The following SYT7 variants were observed in gnomAD, a reference collection of about 807,000 sequenced individuals.
SYT7 encodes the protein synaptotagmin-7.
In SYT7, 29 loss-of-function variants were observed where a neutral mutation model predicts 75.1. That is an observed-to-expected ratio of 0.39 (90% confidence interval 0.29 to 0.53). The LOEUF (loss-of-function observed/expected upper bound fraction) is 0.53. Ranked by LOEUF, SYT7 falls within the 20% of genes least tolerant of loss-of-function variation. SYT7 has a pLI of 0.77. For synonymous variants in SYT7, 376 were observed against 401.7 expected, an observed-to-expected ratio of 0.94 and a Z score of 0.76; for missense variants, 693 against 953.2, an observed-to-expected ratio of 0.73 and a Z score of 3.59.
chr11:61,537,229 A>T (rs1043156477), intron 7 of SYT7, among the ~76,000 whole-genome samples: 1 of 152,088 alleles, frequency 6.6e-6, no homozygotes, highest in Non-Finnish European at 1.5e-5. Flanking sequence ...CCTGGAAACC[A>T]CAGGTGTGGT....
At position 61,523,793 on chromosome 11, in the gene SYT7, G is replaced by A. The variant is rs775189927; in HGVS notation, c.1756+34C>T. Reference sequence around the variant, plus strand: ...AACCTTGTGTCACCAGCACCTCCCCGGCCCGCCCATCCTCTGCTGGAGAAG... The same window carrying A: ...AACCTTGTGTCACCAGCACCTCCCCAGCCCGCCCATCCTCTGCTGGAGAAG... On this transcript the variant is annotated intron_variant, in intron 11 of 12. Transcript: ENST00000539008. The surrounding 1 kb of genome is among the most constrained non-coding windows in gnomAD (Gnocchi z 5.0). The A allele has an allele frequency of 5.6e-6, 9 of 1,600,622 alleles. No individual in the cohort carries two copies. Among genetic ancestry groups the A allele is most frequent in the East Asian group, 2.2e-5 (1 of 44,758 alleles).
chr11:61,542,341 GGCCCCGGCCATAGGC>G lies in SYT7; in HGVS notation c.796_810del (p.Ala266_Gly270del). ...CCGGCCGAGGTGCCCTGCCGAGCCT[GGCCCCGGCCATAGGC>G]CCGGGGGTTGGGGCCTGGTGCCGAG... On this transcript the variant is annotated inframe_deletion, in exon 6 of 13. Coordinates refer to ENST00000539008, the MANE Select transcript of SYT7 (RefSeq NM_001365809.2). The surrounding 1 kb of genome is among the most constrained non-coding windows in gnomAD (Gnocchi z 7.8). The G allele has an allele frequency of 6.5e-7, 1 of 1,530,988 alleles. No individual in the cohort carries two copies. Among genetic ancestry groups the G allele is most frequent in the Non-Finnish European group, 8.7e-7 (1 of 1,144,438 alleles). The allele number at this position is 1,530,988 out of a possible 1,614,324, so 94.8% of individuals were successfully genotyped here.
At position 61,523,059 on chromosome 11, in the gene SYT7, C is replaced by G. The variant is rs765816675; in HGVS notation, c.1956+16G>C. The G allele has an allele frequency of 1.9e-6, 3 of 1,613,828 alleles. No homozygotes were observed. The highest frequency in any genetic ancestry group is 2.5e-6 in the Non-Finnish European group (3 of 1,179,968). Reference sequence around the variant, plus strand: ...TGGTGCCAGCAGGTGCACCACACCACCTGCCTCGCCCCTACCTTGCCGATG... The same window carrying G: ...TGGTGCCAGCAGGTGCACCACACCAGCTGCCTCGCCCCTACCTTGCCGATG... On this transcript the variant is annotated intron_variant, in intron 12 of 12. Coordinates refer to ENST00000539008, the MANE Select transcript of SYT7 (RefSeq NM_001365809.2). This position sits in a 1 kb window ranked among gnomAD's most constrained non-coding sequence, Gnocchi z 5.0.
chr11:61,587,040 C>T, the SYT7 span, among the ~76,000 whole-genome samples: 1 of 152,176 alleles, frequency 6.6e-6, no homozygotes, highest in East Asian at 1.9e-4. Context: ...CAACTGTCCC[C>T]CCTCCCCCCA....
chr11:61,534,722 C>G (rs1343863903), intron 7 of SYT7, among the ~76,000 whole-genome samples: 2 of 152,218 alleles, frequency 1.3e-5, no homozygotes, highest in Non-Finnish European at 2.9e-5. Context: ...CACGATACAC[C>G]TGCTGTGACA....
chr11:61,550,303 G>C (rs2063311462), intron 3 of SYT7, among the ~76,000 whole-genome samples: 1 of 152,190 alleles, frequency 6.6e-6, no homozygotes, highest in Admixed American at 6.5e-5. Flanking sequence ...GAGGACCTGG[G>C]AGGGAGCCCT....
At chr11:61,521,360 C>T (rs74550786) in intron 12 of SYT7, among the ~76,000 whole-genome samples, 3,475 of 152,314 alleles carry the variant, frequency 0.023, 76 homozygotes, top group Non-Finnish European at 0.032. Flanking sequence ...TATCCGACAC[C>T]AAGAGGCGAA....
chr11:61,523,387 G>A lies in SYT7; in HGVS notation c.1757-113C>T. The A allele has an allele frequency of 9.3e-7, 1 of 1,073,888 alleles. No individual in the cohort carries two copies. The highest frequency in any genetic ancestry group is 1.4e-6 in the Non-Finnish European group (1 of 718,762). 66.5% of individuals were successfully genotyped at this position (1,073,888 alleles called of 1,614,324 possible). A position where few individuals can be genotyped will look rare whatever the true frequency, so the allele number is the denominator to read the frequency against. On this transcript the variant is annotated intron_variant, in intron 11 of 12. Coordinates refer to ENST00000539008, the MANE Select transcript of SYT7 (RefSeq NM_001365809.2). The surrounding 1 kb of genome is among the most constrained non-coding windows in gnomAD (Gnocchi z 5.0). ...GCAGGAGGGCCGTGTGCTTTCCCCA[G>A]AGGCAAGGAAAGACCCAGGCAAGAA... is the stretch of plus-strand genomic sequence containing the variant.
chr11:61,580,790 C>G lies in SYT7; in HGVS notation c.31G>C (p.Gly11Arg). Residue 11 changes from glycine to arginine, a missense_variant and splice_region_variant, in exon 1 of 13, where the codon GGG (glycine) becomes CGG (arginine). By Grantham distance (125) the Gly-to-Arg change is moderately radical. Around this residue, in one of 2 missense-constraint regions of SYT7, gnomAD observed 487 missense variants for 593.2 expected, o/e 0.82. Coordinates refer to ENST00000539008, the MANE Select transcript of SYT7 (RefSeq NM_001365809.2). This position sits in a 1 kb window ranked among gnomAD's most constrained non-coding sequence, Gnocchi z 6.1. Reference sequence around the variant, plus strand: ...CCCAGCCCGCCGGGGCCGCGCTTACCTGGGCTGGCCGCCTCCGGGTCCCGG... The same window carrying G: ...CCCAGCCCGCCGGGGCCGCGCTTACGTGGGCTGGCCGCCTCCGGGTCCCGG... MYRDPEAASP[G>R]APSRDVLLVS... The G allele has an allele frequency of 3.1e-6, 4 of 1,287,882 alleles. No individual in the cohort carries two copies. Among genetic ancestry groups the G allele is most frequent in the Non-Finnish European group, 2.0e-6 (2 of 1,015,390 alleles). 79.8% of individuals were successfully genotyped at this position (1,287,882 alleles called of 1,614,324 possible). A position where few individuals can be genotyped will look rare whatever the true frequency, so the allele number is the denominator to read the frequency against.
Position 61,546,676 on chromosome 11 carries a change from G to A in SYT7, c.348-421C>T, listed in dbSNP as rs769849533. On this transcript the variant is annotated intron_variant, in intron 4 of 12. Coordinates refer to ENST00000539008, the MANE Select transcript of SYT7 (RefSeq NM_001365809.2). The surrounding 1 kb of genome is among the most constrained non-coding windows in gnomAD (Gnocchi z 7.6). ...AAGAGCGGGCTGTCCAGGCCAGGAGGCCCCAAGGCAGGGAGAAAGAGAAAG... is the reference window on the plus strand; with the variant it reads ...AAGAGCGGGCTGTCCAGGCCAGGAGACCCCAAGGCAGGGAGAAAGAGAAAG... 6 of 461,072 alleles carry A rather than the reference G, an allele frequency of 1.3e-5. No homozygotes were observed. Among genetic ancestry groups the A allele is most frequent in the South Asian group, 9.3e-5 (6 of 64,554 alleles). The allele number at this position is 461,072 out of a possible 1,614,324, so 28.6% of individuals were successfully genotyped here.
Position 61,542,254 on chromosome 11 carries a change from C to G in SYT7, c.898G>C (p.Val300Leu). ...RSNPGSWDHV[V>L]GQIRNRGLDM... ...AAGCCTCGGTTTCGAATCTGCCCCA[C>G]CACGTGGTCCCAGCTGCCTGGGTTG... Residue 300 changes from valine to leucine, a missense_variant, in exon 6 of 13, where the codon GTG (valine) becomes CTG (leucine). By Grantham distance (32) the Val-to-Leu change is conservative (BLOSUM62 1). Transcript: ENST00000539008. The surrounding 1 kb of genome is among the most constrained non-coding windows in gnomAD (Gnocchi z 7.8). 1.3e-6 allele frequency: 2 copies of G among 1,535,256 alleles called. No individual in the cohort carries two copies. Among genetic ancestry groups the G allele is most frequent in the Non-Finnish European group, 1.7e-6 (2 of 1,146,484 alleles).
chr11:61,533,390 C>T (rs2062770281), intron 7 of SYT7: 3 of 985,432 alleles, frequency 3.0e-6, no homozygotes, highest in Non-Finnish European at 3.6e-6. Flanking sequence ...CCCCATTCTT[C>T]CTGTTCCCCA....
rs570902636 is a variant in SYT7 at position 61,578,565 on chromosome 11, G to A, written c.31+2225C>T. ...GGGAGGCAGAAATGGGGGACACAGA[G>A]CCCTGGCTTGGGGAGCTGAGTCTAG... On this transcript the variant is annotated intron_variant, in intron 1 of 12. Coordinates refer to ENST00000539008, the MANE Select transcript of SYT7 (RefSeq NM_001365809.2). Among the ~76,000 whole-genome samples the A allele has an allele frequency of 8.5e-4, 130 of 152,246 alleles. 1 individual carries two copies. Among genetic ancestry groups the A allele is most frequent in the African/African-American group, 3.0e-3 (124 of 41,546 alleles).
chr11:61,579,682 T>G (rs962346224), intron 1 of SYT7, among the ~76,000 whole-genome samples: 1 of 152,226 alleles, frequency 6.6e-6, no homozygotes, highest in Non-Finnish European at 1.5e-5. Flanking sequence ...AGGCTCCTTC[T>G]GTGCAGGGTC....
In SYT7 at chr11:61,517,081, C is replaced by T. The variant is rs1040015203; in HGVS notation, c.*1546G>A. 2.5e-6 allele frequency: 1 copy of T among 394,854 alleles called. No homozygotes were observed. The highest frequency in any genetic ancestry group is 4.5e-6 in the Non-Finnish European group (1 of 224,202). 24.5% of individuals were successfully genotyped at this position (394,854 alleles called of 1,614,324 possible). A position where few individuals can be genotyped will look rare whatever the true frequency, so the allele number is the denominator to read the frequency against. On this transcript the variant is annotated 3_prime_UTR_variant, in exon 13 of 13. Coordinates refer to ENST00000539008, the MANE Select transcript of SYT7 (RefSeq NM_001365809.2). ...TGGAACTGGGGGCTAAGACCACGGC[C>T]ACAGACTGTGGGGGCCTGGCGCCAC...
rs1299563714 is a variant in SYT7 at position 61,546,176 on chromosome 11, G to A, written c.427C>T (p.Pro143Ser). ...VEREGRLGEKPAPVPPPGEDA... is the reference protein window; with the variant it reads ...VEREGRLGEKSAPVPPPGEDA... ...TCTCCGGGTGGCGGCACCGGTGCCGGCTTCTCCCCCAGCCGGCCTTCCCGC... is the reference window on the plus strand; with the variant it reads ...TCTCCGGGTGGCGGCACCGGTGCCGACTTCTCCCCCAGCCGGCCTTCCCGC... Residue 143 changes from proline (P) to serine (S), a missense_variant, in exon 5 of 13, where the codon CCG becomes TCG. This residue lies in a region of SYT7 where 487 missense variants were observed against 593.2 expected (regional missense o/e 0.82). Transcript: ENST00000539008. The surrounding 1 kb of genome is among the most constrained non-coding windows in gnomAD (Gnocchi z 7.6). The A allele has an allele frequency of 2.6e-6, 4 of 1,521,512 alleles. No individual in the cohort carries two copies. Among genetic ancestry groups the A allele is most frequent in the African/African-American group, 1.4e-5 (1 of 71,034 alleles). The allele number at this position is 1,521,512 out of a possible 1,614,324, so 94.3% of individuals were successfully genotyped here.
At chr11:61,529,383 C>T (rs144910618) in intron 8 of SYT7, among the ~76,000 whole-genome samples, 3 of 152,334 alleles carry the variant, frequency 2.0e-5, no homozygotes, top group East Asian at 1.9e-4. Context: ...ACTCTCGCAT[C>T]GCCGTCTCCT....
chr11:61,520,335 G>A (rs1256016495), intron 12 of SYT7, among the ~76,000 whole-genome samples: 1 of 151,990 alleles, frequency 6.6e-6, no homozygotes, highest in Admixed American at 6.6e-5. Flanking sequence ...ACCAGATTGG[G>A]TAATATGGTG....
upstream of SYT7, chr11:61,581,162 C>G (rs1283816121): frequency 6.5e-6 from 1 of 152,844 alleles, no homozygotes; most frequent in African/African-American, 2.4e-5. Flanking sequence ...ACCGCCGGCG[C>G]CGCCCGCCAG....
Sources: allele counts gnomAD v4.1 joint callset (sites outside exome capture counted in the v4.1 genomes callset), GRCh38; gene constraint gnomAD v4.1.1; regional missense constraint gnomAD v4.1.1; non-coding constraint Gnocchi (gnomAD v3.1); transcripts MANE v1.5; gene names NCBI Gene and HGNC (gene_info 2026-07-23, HGNC 2026-07-21).